Variants in PCDHGA11 observed in about 807,000 individuals in gnomAD.
PCDHGA11 encodes the protein protocadherin gamma subfamily A, 11.
A neutral mutation model predicts 60.4 loss-of-function variants in PCDHGA11; 39 were observed. That is an observed-to-expected ratio of 0.65 (90% CI 0.50 to 0.84). The LOEUF (loss-of-function observed/expected upper bound fraction) is 0.84. Ranked by LOEUF, PCDHGA11 falls within the 40% of genes least tolerant of loss-of-function variation. The probability of loss-of-function intolerance (pLI) is 0.00; values close to 1 mark genes in which losing one functional copy is unlikely to be tolerated. For missense variants in PCDHGA11, 1,165 were observed against 1,197.7 expected, an observed-to-expected ratio of 0.97 and a Z score of 0.40; for synonymous variants, 533 against 510.3, an observed-to-expected ratio of 1.04 and a Z score of -0.60.
At chr5:141,433,318 G>A (rs1659490277) in intron 1 of PCDHGA11, 2 of 788,746 alleles carry the variant, frequency 2.5e-6, no homozygotes, top group Non-Finnish European at 4.0e-6. Context: ...CTTTGCCTCC[G>A]GTGTAACAGG....
rs200790843 is a variant in PCDHGA11 at position 141,432,196 on chromosome 5, C to A, written c.2433+8536C>A. ...TCGTCTCTGTGACCGCCCACGACCCCGACTGTGAAGAGAACGCCCAGATCA... is the reference window on the plus strand; with the variant it reads ...TCGTCTCTGTGACCGCCCACGACCCAGACTGTGAAGAGAACGCCCAGATCA... On this transcript the variant is annotated intron_variant, in intron 1 of 3. Coordinates refer to ENST00000398587, the MANE Select transcript of PCDHGA11 (RefSeq NM_018914.3). This position sits in a 1 kb window ranked among gnomAD's most constrained non-coding sequence, Gnocchi z 6.0. The A allele has an allele frequency of 6.2e-7, 1 of 1,614,192 alleles. No homozygotes were observed.
rs1329435709 is a variant in PCDHGA11 at position 141,485,726 on chromosome 5, C to T, written c.2434-9081C>T. ...ACACTTTGCACTGGATGTGAAGAAGCGCAGCGACGGCAGCCTGGTCCCAGA... is the reference window on the plus strand; with the variant it reads ...ACACTTTGCACTGGATGTGAAGAAGTGCAGCGACGGCAGCCTGGTCCCAGA... On this transcript the variant is annotated intron_variant, in intron 1 of 3. Coordinates refer to ENST00000398587, the MANE Select transcript of PCDHGA11 (RefSeq NM_018914.3). This position sits in a 1 kb window ranked among gnomAD's most constrained non-coding sequence, Gnocchi z 5.7. 2 of 1,614,138 alleles carry T rather than the reference C, an allele frequency of 1.2e-6. No homozygotes were observed. The highest frequency in any genetic ancestry group is 8.5e-7 in the Non-Finnish European group (1 of 1,180,024).
chr5:141,489,913 A>G lies in PCDHGA11; in HGVS notation c.2434-4894A>G. 1 of 1,614,208 alleles carries G rather than the reference A, an allele frequency of 6.2e-7. No homozygotes were observed. Among genetic ancestry groups the G allele is most frequent in the Non-Finnish European group, 8.5e-7 (1 of 1,180,044 alleles). Reference sequence around the variant, plus strand: ...TGGGGGGACCCCAGCCCGCTCAGGGACCACCCTTATCTCTGTCATCGTGCT... The same window carrying G: ...TGGGGGGACCCCAGCCCGCTCAGGGGCCACCCTTATCTCTGTCATCGTGCT... On this transcript the variant is annotated intron_variant, in intron 1 of 3. Transcript: ENST00000398587. The surrounding 1 kb of genome is among the most constrained non-coding windows in gnomAD (Gnocchi z 4.5).
rs1301787934 is a variant in PCDHGA11 at position 141,476,164 on chromosome 5, A to G, written c.2434-18643A>G. Reference sequence around the variant, plus strand: ...GCGGACTGGTAAGCACCGGGAGGGTAGTGGGAGTTTTGCTTCTGCTTGGTG... The same window carrying G: ...GCGGACTGGTAAGCACCGGGAGGGTGGTGGGAGTTTTGCTTCTGCTTGGTG... On this transcript the variant is annotated intron_variant, in intron 1 of 3. Transcript: ENST00000398587. This position sits in a 1 kb window ranked among gnomAD's most constrained non-coding sequence, Gnocchi z 7.6. 6.2e-7 allele frequency: 1 copy of G among 1,613,116 alleles called. No individual in the cohort carries two copies.
chr5:141,506,645 A>G (rs1229614297), intron 3 of PCDHGA11, among the ~76,000 whole-genome samples: 3 of 152,188 alleles, frequency 2.0e-5, no homozygotes, highest in African/African-American at 7.2e-5. Context: ...CCCTCAGCAC[A>G]GGATTGGCAG....
chr5:141,508,507 TGGTCCAGCCCAACCTCAG>T (rs1377043623), intron 3 of PCDHGA11, among the ~76,000 whole-genome samples: 1 of 152,178 alleles, frequency 6.6e-6, no homozygotes, highest in Non-Finnish European at 1.5e-5. Flanking sequence ...CTCTCCCTCC[TGGTCCAGCCCAACCTCAG>T]GGCACCCCCC....
chr5:141,428,495 T>C (rs1023405537), intron 1 of PCDHGA11: 3 of 295,346 alleles, frequency 1.0e-5, no homozygotes, highest in African/African-American at 6.5e-5. Flanking sequence ...AATCTGTATG[T>C]TCCCTCGGAT....
chr5:141,432,949 C>A lies in PCDHGA11; in HGVS notation c.2433+9289C>A, dbSNP rs764998032. ...CACGCCTGCTGCAGGCTTCAGGAGG[C>A]GGCTTGACAGGAGCGCCGGCGTCGC... On this transcript the variant is annotated intron_variant, in intron 1 of 3. Transcript: ENST00000398587. This position sits in a 1 kb window ranked among gnomAD's most constrained non-coding sequence, Gnocchi z 6.0. The A allele has an allele frequency of 1.9e-6, 3 of 1,614,184 alleles. No homozygotes were observed. The highest frequency in any genetic ancestry group is 2.5e-6 in the Non-Finnish European group (3 of 1,180,040).
At position 141,485,685 on chromosome 5, in the gene PCDHGA11, G is replaced by A; in HGVS notation, c.2434-9122G>A. ...GGGAGCAATTCGATTAGCAGCTATA[G>A]GCTGAGCTCCAATGAACACTTTGCA... On this transcript the variant is annotated intron_variant, in intron 1 of 3. Coordinates refer to ENST00000398587, the MANE Select transcript of PCDHGA11 (RefSeq NM_018914.3). This position sits in a 1 kb window ranked among gnomAD's most constrained non-coding sequence, Gnocchi z 5.7. 1.2e-6 allele frequency: 2 copies of A among 1,614,052 alleles called. No homozygotes were observed. The highest frequency in any genetic ancestry group is 1.3e-5 in the African/African-American group (1 of 75,072).
In PCDHGA11 at chr5:141,431,243, A is replaced by G; in HGVS notation, c.2433+7583A>G. 1 of 1,614,154 alleles carries G rather than the reference A, an allele frequency of 6.2e-7. No homozygotes were observed. Among genetic ancestry groups the G allele is most frequent in the Non-Finnish European group, 8.5e-7 (1 of 1,180,034 alleles). ...TCTACCCCACGCCTGGGATCCGGAT[A>G]TCGGGAAGAACTCTCTGCAGAGCTA... On this transcript the variant is annotated intron_variant, in intron 1 of 3. Coordinates refer to ENST00000398587, the MANE Select transcript of PCDHGA11 (RefSeq NM_018914.3). This position sits in a 1 kb window ranked among gnomAD's most constrained non-coding sequence, Gnocchi z 4.8.
chr5:141,434,132 G>A (rs2097674012), intron 1 of PCDHGA11, among the ~76,000 whole-genome samples: 1 of 152,194 alleles, frequency 6.6e-6, no homozygotes, highest in South Asian at 2.1e-4. Context: ...CCTTTAGGCT[G>A]ATTTCTATGT....
chr5:141,448,329 A>T (rs1166759766), intron 1 of PCDHGA11, among the ~76,000 whole-genome samples: 1 of 152,146 alleles, frequency 6.6e-6, no homozygotes, highest in Non-Finnish European at 1.5e-5. Context: ...TTGAATCTTT[A>T]TAGCCATGTA....
At position 141,490,456 on chromosome 5, in the gene PCDHGA11, C is replaced by G. The variant is rs370141879; in HGVS notation, c.2434-4351C>G. On this transcript the variant is annotated intron_variant, in intron 1 of 3. Transcript: ENST00000398587. The surrounding 1 kb of genome is among the most constrained non-coding windows in gnomAD (Gnocchi z 5.4). The stretch of plus-strand genomic sequence containing the variant: ...TAAGCCTTCTGAGAACCACTACTCG[C>G]TGCTAACCAGCCAGCCTTTGGACCG... 3.7e-6 allele frequency: 6 copies of G among 1,614,114 alleles called. No individual in the cohort carries two copies. Among genetic ancestry groups the G allele is most frequent in the Non-Finnish European group, 5.1e-6 (6 of 1,180,058 alleles).
Position 141,431,724 on chromosome 5 carries a change from T to C in PCDHGA11, c.2433+8064T>C, listed in dbSNP as rs758754345. The C allele has an allele frequency of 6.2e-7, 1 of 1,614,036 alleles. No individual in the cohort carries two copies. Among genetic ancestry groups the C allele is most frequent in the Non-Finnish European group, 8.5e-7 (1 of 1,180,036 alleles). On this transcript the variant is annotated intron_variant, in intron 1 of 3. Coordinates refer to ENST00000398587, the MANE Select transcript of PCDHGA11 (RefSeq NM_018914.3). This position sits in a 1 kb window ranked among gnomAD's most constrained non-coding sequence, Gnocchi z 4.8. The stretch of plus-strand genomic sequence containing the variant: ...TTCTACCAGATGGAAGTGCAAGCAA[T>C]GGATAATGCAGGATATTCTGCGCGA...
In PCDHGA11 at chr5:141,510,980, G is replaced by A; in HGVS notation, c.2615G>A (p.Gly872Asp). The change falls in exon 4 of 4, where the codon GGT becomes GAT. Residue 872 changes from glycine (G) to aspartate (D), a missense_variant. Transcript: ENST00000398587. ...AADGSSTLGGGAGTMGLSARY... is the reference protein window; with the variant it reads ...AADGSSTLGGDAGTMGLSARY... ...GATGGGAGCTCCACCCTGGGAGGGG[G>A]TGCCGGCACCATGGGATTGAGCGCC... 1 of 1,614,170 alleles carries A rather than the reference G, an allele frequency of 6.2e-7. No homozygotes were observed.
In PCDHGA11 at chr5:141,511,112, G is replaced by C. The variant is rs767257788; in HGVS notation, c.2747G>C (p.Gly916Ala). The change falls in exon 4 of 4, where the codon GGC becomes GCC. Residue 916 changes from glycine (G) to alanine (A), a missense_variant. Coordinates refer to ENST00000398587, the MANE Select transcript of PCDHGA11 (RefSeq NM_018914.3). ...TLTNAAGKRD[G>A]KAPAGGNGNK... The stretch of plus-strand genomic sequence containing the variant: ...ACCAACGCAGCTGGCAAGCGGGATG[G>C]CAAGGCCCCAGCAGGTGGCAATGGC... The C allele has an allele frequency of 4.3e-6, 7 of 1,614,232 alleles. No homozygotes were observed. Among genetic ancestry groups the C allele is most frequent in the Non-Finnish European group, 5.9e-6 (7 of 1,180,024 alleles).
Position 141,431,180 on chromosome 5 carries a change from A to C in PCDHGA11, c.2433+7520A>C. The C allele has an allele frequency of 6.2e-7, 1 of 1,614,246 alleles. No homozygotes were observed. The highest frequency in any genetic ancestry group is 8.5e-7 in the Non-Finnish European group (1 of 1,180,044). On this transcript the variant is annotated intron_variant, in intron 1 of 3. Transcript: ENST00000398587. This position sits in a 1 kb window ranked among gnomAD's most constrained non-coding sequence, Gnocchi z 4.8. ...CTTTCGTGAAAGTGAATTAGAAATA[A>C]AAATTAGTGAAAATGCAGCCACTGA...
At position 141,432,686 on chromosome 5, in the gene PCDHGA11, G is replaced by T. The variant is rs2097528577; in HGVS notation, c.2433+9026G>T. ...CAGAGACGCGCTCAAGCAGAGCCTC[G>T]TAGTGGCCGTCCAGGACCACGGCCA... On this transcript the variant is annotated intron_variant, in intron 1 of 3. Transcript: ENST00000398587. The surrounding 1 kb of genome is among the most constrained non-coding windows in gnomAD (Gnocchi z 6.0). 6.2e-7 allele frequency: 1 copy of T among 1,613,922 alleles called. No individual in the cohort carries two copies. Among genetic ancestry groups the T allele is most frequent in the Non-Finnish European group, 8.5e-7 (1 of 1,179,968 alleles).
chr5:141,472,853 G>A (rs1283601489), intron 1 of PCDHGA11, among the ~76,000 whole-genome samples: 1 of 151,738 alleles, frequency 6.6e-6, no homozygotes, highest in Non-Finnish European at 1.5e-5. Flanking sequence ...GGGCATGGTG[G>A]CACATGCCTG....
Sources: gnomAD v4.1 joint callset for allele counts (sites outside exome capture counted in the v4.1 genomes callset) on GRCh38, gnomAD v4.1.1 for gene constraint, Gnocchi (gnomAD v3.1) non-coding constraint, MANE v1.5 for transcripts, NCBI Gene and HGNC (gene_info 2026-07-23, HGNC 2026-07-21) for gene names.